Variants in SGCZ observed in about 807,000 individuals in gnomAD.
The protein encoded by SGCZ is sarcoglycan zeta, also known as zeta-sarcoglycan.
A neutral mutation model predicts 41.3 loss-of-function variants in SGCZ; 40 were observed. That is an observed-to-expected ratio of 0.97 (90% confidence interval 0.75 to 1.26). The LOEUF is 1.26. SGCZ is among the 50% of genes most tolerant of loss of function. The pLI, the probability that SGCZ is intolerant of heterozygous loss-of-function variation, is 0.00. For missense variants in SGCZ, 552 were observed against 369.8 expected, an observed-to-expected ratio of 1.49 and a Z score of -4.04; for synonymous variants, 206 against 137.5, an observed-to-expected ratio of 1.50 and a Z score of -3.49.
At chr8:14,800,344 A>G (rs1335635785) in intron 1 of SGCZ, among the ~76,000 whole-genome samples, 2 of 152,230 alleles carry the variant, frequency 1.3e-5, no homozygotes, top group Non-Finnish European at 2.9e-5. Context: ...TACTATAGAT[A>G]GAGCAAAAAG....
At chr8:14,581,070 G>A (rs1804872195) in intron 1 of SGCZ, among the ~76,000 whole-genome samples, 1 of 152,100 alleles carries the variant, frequency 6.6e-6, no homozygotes, top group South Asian at 2.1e-4. Flanking sequence ...TAAGCCTAAG[G>A]AAGAGGTTGT....
At chr8:14,776,068 T>G (rs1367359607) in intron 1 of SGCZ, among the ~76,000 whole-genome samples, 3 of 152,136 alleles carry the variant, frequency 2.0e-5, no homozygotes, top group Admixed American at 2.0e-4. Context: ...CATTCAAAAG[T>G]TAAAAAATGG....
chr8:14,955,326 A>G (rs1217913409), intron 1 of SGCZ, among the ~76,000 whole-genome samples: 1 of 152,198 alleles, frequency 6.6e-6, no homozygotes, highest in Non-Finnish European at 1.5e-5. Context: ...GTATAAGCCT[A>G]TCAGTTTGTC....
intron 1 of SGCZ, among the ~76,000 whole-genome samples, chr8:14,807,929 T>C (rs1801600609): frequency 6.6e-6 from 1 of 151,736 alleles, no homozygotes; most frequent in African/African-American, 2.4e-5. Context: ...TAACGCCGCA[T>C]ATCTACAACT....
chr8:14,611,901 A>G (rs1331675137), intron 1 of SGCZ, among the ~76,000 whole-genome samples: 4 of 152,208 alleles, frequency 2.6e-5, no homozygotes, highest in African/African-American at 9.6e-5. Flanking sequence ...TGCAGTACAT[A>G]TGCTATTTGC....
intron 2 of SGCZ, among the ~76,000 whole-genome samples, chr8:14,371,484 C>T (rs781069484): frequency 2.0e-4 from 31 of 151,768 alleles, no homozygotes; most frequent in Middle Eastern, 3.4e-3. Context: ...TTCTAAATAC[C>T]CACACTAATT....
At chr8:14,161,269 C>A (rs1034682807) in intron 5 of SGCZ, 6 of 152,104 alleles carry the variant, frequency 3.9e-5, no homozygotes, top group Non-Finnish European at 5.9e-5. Context: ...TTATATTTGC[C>A]TTTGATATTT....
intron 1 of SGCZ, among the ~76,000 whole-genome samples, chr8:14,992,423 G>C (rs901478640): frequency 7.0e-6 from 1 of 143,858 alleles, no homozygotes; most frequent in Non-Finnish European, 1.5e-5. Context: ...CAAAACTAAT[G>C]TTGGCATTGA....
intron 1 of SGCZ, among the ~76,000 whole-genome samples, chr8:15,211,252 C>T (rs1278592829): frequency 6.7e-6 from 1 of 149,538 alleles, no homozygotes; most frequent in African/African-American, 2.5e-5. Flanking sequence ...TATCCTTGGC[C>T]ACCACAAGTA....
chr8:15,170,640 T>C (rs1301748245), intron 1 of SGCZ, among the ~76,000 whole-genome samples: 1 of 152,224 alleles, frequency 6.6e-6, no homozygotes, highest in East Asian at 1.9e-4. Context: ...TGTTTTGTTT[T>C]TTTAAACTTT....
chr8:14,399,880 G>A (rs907486938), intron 2 of SGCZ, among the ~76,000 whole-genome samples: 2 of 152,024 alleles, frequency 1.3e-5, no homozygotes, highest in African/African-American at 4.8e-5. Flanking sequence ...TCTTTAAAGT[G>A]TAATTTAATG....
At chr8:14,176,764 G>C (rs1804555323) in intron 4 of SGCZ, among the ~76,000 whole-genome samples, 1 of 152,100 alleles carries the variant, frequency 6.6e-6, no homozygotes, top group Admixed American at 6.6e-5. Context: ...AAACATTATG[G>C]AGAGTATCTG....
intron 2 of SGCZ, among the ~76,000 whole-genome samples, chr8:14,437,715 T>G (rs1306853681): frequency 6.6e-6 from 1 of 151,820 alleles, no homozygotes; most frequent in Non-Finnish European, 1.5e-5. Flanking sequence ...AAATAAAAAT[T>G]TATATTTCAT....
chr8:15,176,006 C>T (rs1239651510), intron 1 of SGCZ, among the ~76,000 whole-genome samples: 1 of 152,114 alleles, frequency 6.6e-6, no homozygotes, highest in African/African-American at 2.4e-5. Flanking sequence ...TTTATACTTA[C>T]TGTATTATAC....
chr8:14,895,191 G>C (rs921186598), intron 1 of SGCZ, among the ~76,000 whole-genome samples: 1 of 152,110 alleles, frequency 6.6e-6, no homozygotes, highest in East Asian at 1.9e-4. Context: ...AATAACAGTT[G>C]TTGCCAACTA....
intron 1 of SGCZ, among the ~76,000 whole-genome samples, chr8:15,127,227 T>A (rs1807730075): frequency 6.9e-6 from 1 of 144,834 alleles, no homozygotes. Context: ...TAGAAACATC[T>A]ATAGGCACAC....
chr8:14,456,803 G>A (rs1278447565), intron 2 of SGCZ, among the ~76,000 whole-genome samples: 1 of 152,176 alleles, frequency 6.6e-6, no homozygotes, highest in Middle Eastern at 3.2e-3. Flanking sequence ...GATCAGGGAG[G>A]TGGATCCCTC....
intron 1 of SGCZ, among the ~76,000 whole-genome samples, chr8:14,736,358 C>T (rs903712134): frequency 6.6e-6 from 1 of 152,120 alleles, no homozygotes; most frequent in Non-Finnish European, 1.5e-5. Context: ...TAATCTGCAA[C>T]ATTTTTTTAT....
At chr8:14,779,201 T>A (rs541975131) in intron 1 of SGCZ, among the ~76,000 whole-genome samples, 1 of 152,356 alleles carries the variant, frequency 6.6e-6, no homozygotes, top group East Asian at 1.9e-4. Context: ...CAATAGATTA[T>A]GGCTGAAGTG....
Sources: gnomAD v4.1 joint callset for allele counts (sites outside exome capture counted in the v4.1 genomes callset) on GRCh38, gnomAD v4.1.1 for gene constraint, MANE v1.5 for transcripts, NCBI Gene and HGNC (gene_info 2026-07-23, HGNC 2026-07-21) for gene names.